Variants in MYL6B observed in about 807,000 individuals in gnomAD.
MYL6B encodes the protein myosin alkali light chain 1 slow a.
In MYL6B, 19 loss-of-function variants were observed where a neutral mutation model predicts 24.5. The observed-to-expected ratio is 0.78, with a 90% CI of 0.54 to 1.14. The LOEUF (loss-of-function observed/expected upper bound fraction) is 1.14. Among genes scored for constraint, MYL6B ranks in the 50% most tolerant of loss-of-function variants. MYL6B has a pLI of 0.00. For missense variants in MYL6B, 230 were observed against 263.8 expected (o/e 0.87, Z 0.89); for synonymous variants, 90 against 100.7 (o/e 0.89, Z 0.64).
chr12:56,157,253 G>A (rs570282384), intron 5 of MYL6B: 7 of 509,462 alleles, frequency 1.4e-5, no homozygotes, highest in Admixed American at 1.3e-4. Context: ...AAAATTAGCC[G>A]GGCGCCTGTA....
intron 5 of MYL6B, 49 bp downstream of exon 5, chr12:56,155,641 T>C (rs1330432953): frequency 1.2e-6 from 2 of 1,606,658 alleles, no homozygotes; most frequent in Non-Finnish European, 1.7e-6. Flanking sequence ...GAGAGGGGGA[T>C]GGGGTGGGCC....
Position 56,157,869 on chromosome 12 carries a change from T to G in MYL6B, c.*143T>G, listed in dbSNP as rs1871404205. ...GGGCTCCAGCGCTTCGCAACTTTGG[T>G]TTTTTTCCACAGATCCAGTGGGGTC... is the stretch of plus-strand genomic sequence containing the variant. On this transcript the variant is annotated 3_prime_UTR_variant, in exon 7 of 7. Transcript: ENST00000553066. 5 of 1,033,658 alleles carry G rather than the reference T, an allele frequency of 4.8e-6. No homozygotes were observed. The highest frequency in any genetic ancestry group is 4.6e-5 in the South Asian group (3 of 64,922). The allele number at this position is 1,033,658 out of a possible 1,614,324, so 64.0% of individuals were successfully genotyped here.
intron 1 of MYL6B, 192 bp from the exon 2 acceptor site, chr12:56,153,681 T>C: frequency 2.3e-6 from 1 of 432,090 alleles, no homozygotes. Flanking sequence ...CATTGTTCTT[T>C]TCTGGTCAGC....
chr12:56,157,039 C>A (rs1304830224), intron 5 of MYL6B: 3 of 145,122 alleles, frequency 2.1e-5, no homozygotes, highest in South Asian at 1.8e-4. Flanking sequence ...CAGAGGGAGA[C>A]CCTATCTCAA....
chr12:56,156,102 T>C, intron 5 of MYL6B: 1 of 883,192 alleles, frequency 1.1e-6, no homozygotes, highest in Non-Finnish European at 1.4e-6. Flanking sequence ...GCTCGGGAGT[T>C]CGAGACCGGC....
chr12:56,155,729 A>G (rs1243531885), intron 5 of MYL6B, 137 bp downstream of exon 5: 3 of 1,545,330 alleles, frequency 1.9e-6, no homozygotes, highest in Non-Finnish European at 2.6e-6. Flanking sequence ...TGAGAAGGTC[A>G]GAGCTATGGG....
chr12:56,153,424 G>A (rs1182965677), intron 1 of MYL6B: 2 of 985,756 alleles, frequency 2.0e-6, no homozygotes, highest in Non-Finnish European at 2.4e-6. Flanking sequence ...GAGTGGAGGG[G>A]CTGGGCAGAT....
At chr12:56,157,389 CAAAAAAAAA>C in intron 5 of MYL6B, 70 bp from the exon 6 acceptor site, 1 of 1,083,226 alleles carries the variant, frequency 9.2e-7, no homozygotes, top group Non-Finnish European at 1.3e-6. Flanking sequence ...AACTCCGTCT[CAAAAAAAAA>C]AAGGAAAAGC....
chr12:56,154,866 C>T (rs1241240037), intron 3 of MYL6B, 26 bp downstream of exon 3: 2 of 1,606,398 alleles, frequency 1.2e-6, no homozygotes, highest in African/African-American at 1.3e-5. Context: ...TCTAAGGCCA[C>T]TGTCCCATCC....
In MYL6B at chr12:56,154,080, C is replaced by T. The variant is rs1227600847; in HGVS notation, c.162C>T (p.Leu54=). 4 of 1,611,920 alleles carry T rather than the reference C, an allele frequency of 2.5e-6. No individual in the cohort carries two copies. In the South Asian group the frequency reaches 3.3e-5, roughly 13 times the overall value. ...AAACCCAGGAGCCTCCAGTCGATCT[C>T]TCCAAAGTGGTGGTGAGTCTCTGGA... The change falls in exon 2 of 7, where the codon CTC becomes CTT. Residue 54 remains leucine, a synonymous_variant. Coordinates refer to ENST00000553066, the Ensembl canonical transcript of MYL6B.
chr12:56,156,545 C>T (rs148773101), intron 5 of MYL6B, among the ~76,000 whole-genome samples: 265 of 150,846 alleles, frequency 1.8e-3, no homozygotes, highest in African/African-American at 6.3e-3. Flanking sequence ...GTGGAGGTTG[C>T]GGTGAGCCGA....
chr12:56,153,868 AAC>A lies in MYL6B; in HGVS notation c.-46-3_-46-2del, dbSNP rs1871203235. On this transcript the variant is annotated splice_region_variant and splice_polypyrimidine_tract_variant and intron_variant, in intron 1 of 6. Coordinates refer to ENST00000553066, the Ensembl canonical transcript of MYL6B. ...ACATCCCAGACTCCCTGGCTATTTA[AAC>A]AGAGATGGGTGCCCCCATCCGCACA... The A allele has an allele frequency of 6.5e-7, 1 of 1,533,568 alleles. No homozygotes were observed. The highest frequency in any genetic ancestry group is 2.1e-5 in the Admixed American group (1 of 48,408). The allele number at this position is 1,533,568 out of a possible 1,614,324, so 95.0% of individuals were successfully genotyped here.
At chr12:56,156,668 T>C (rs2136906663) in intron 5 of MYL6B, among the ~76,000 whole-genome samples, 1 of 151,850 alleles carries the variant, frequency 6.6e-6, no homozygotes, top group East Asian at 1.9e-4. Flanking sequence ...CCTAGCACTT[T>C]GGGAGGCCAA....
intron 4 of MYL6B, 70 bp downstream of exon 4, chr12:56,155,268 G>A: frequency 6.4e-7 from 1 of 1,558,822 alleles, no homozygotes; most frequent in Non-Finnish European, 8.7e-7. Context: ...CAAAAAGAAT[G>A]AGGTGGATCT....
rs776017115 is a variant in MYL6B, at chr12:56,155,723, A to G, written c.520+131A>G. ...TGCAGGTTGTCGGCAGGAGACTGAG[A>G]AGGTCAGAGCTATGGGGGTAGAATC... On this transcript the variant is annotated intron_variant, in intron 5 of 6. Coordinates refer to ENST00000553066, the Ensembl canonical transcript of MYL6B. The G allele has an allele frequency of 7.1e-6, 11 of 1,549,616 alleles. No homozygotes were observed. The East Asian group carries it at 2.6e-4, about 37-fold the overall frequency.
intron 5 of MYL6B, chr12:56,156,058 C>T: frequency 9.3e-7 from 1 of 1,079,444 alleles, no homozygotes; most frequent in Non-Finnish European, 1.1e-6. Context: ...GTAATCCCAG[C>T]ATTTTGGGAG....
At chr12:56,157,726 A>C in exon 7 of MYL6B, 1 of 1,612,062 alleles carries the variant, frequency 6.2e-7, no homozygotes, top group Non-Finnish European at 8.5e-7. Context: ...TAAGCGTCTG[A>C]GTGCTGCAGG....
chr12:56,156,939 C>G (rs1051319130), intron 5 of MYL6B: 1 of 152,172 alleles, frequency 6.6e-6, no homozygotes, highest in African/African-American at 2.4e-5. Flanking sequence ...GTAGTCCCAG[C>G]TACTTCGAAG....
At chr12:56,157,398 A>G (rs1871366359) in intron 5 of MYL6B, 70 bp from the exon 6 acceptor site, 2 of 1,476,764 alleles carry the variant, frequency 1.4e-6, no homozygotes, top group South Asian at 2.4e-5. Context: ...TCAAAAAAAA[A>G]AAGGAAAAGC....
Sources: gnomAD v4.1 joint callset for allele counts (sites outside exome capture counted in the v4.1 genomes callset) on GRCh38, gnomAD v4.1.1 for gene constraint, MANE v1.5 for transcripts, NCBI Gene and HGNC (gene_info 2026-07-23, HGNC 2026-07-21) for gene names.